Variants in PODN observed in about 807,000 individuals in gnomAD.
PODN encodes podocan.
PODN carries 40 observed loss-of-function variants against 52.7 expected under a neutral mutation model. The observed-to-expected ratio is 0.76, with a 90% CI of 0.59 to 0.99. The LOEUF is 0.99. PODN is among the 50% of genes least tolerant of loss of function. The probability of loss-of-function intolerance (pLI) is 0.00; values close to 1 mark genes in which losing one functional copy is unlikely to be tolerated. For synonymous variants in PODN, 396 were observed against 377.9 expected, an observed-to-expected ratio of 1.05 and a Z score of -0.56; for missense variants, 720 against 815.1, an observed-to-expected ratio of 0.88 and a Z score of 1.42.
At chr1:53,082,708 CACAT>C (rs1644313326) in intron 10 of PODN, among the ~76,000 whole-genome samples, 1 of 152,226 alleles carries the variant, frequency 6.6e-6, no homozygotes, top group Admixed American at 6.5e-5. Flanking sequence ...TGCACCAACA[CACAT>C]ACATTCATGT....
At chr1:53,072,667 C>T (rs1441271357) in intron 3 of PODN, among the ~76,000 whole-genome samples, 1 of 152,232 alleles carries the variant, frequency 6.6e-6, no homozygotes, top group African/African-American at 2.4e-5. Context: ...TTGACATTTT[C>T]CCTAGACGTC....
At position 53,070,005 on chromosome 1, in the gene PODN, G is replaced by A. The variant is rs769953432; in HGVS notation, c.150G>A (p.Pro50=). The A allele has an allele frequency of 1.8e-5, 29 of 1,612,570 alleles. No homozygotes were observed. Among genetic ancestry groups the A allele is most frequent in the Non-Finnish European group, 2.3e-5 (27 of 1,179,792 alleles). ...AGAACGAATTTGCGGAGGAGGAGCC[G>A]GTGCTGGTACTGAGCCCTGAGGAGC... is the stretch of plus-strand genomic sequence containing the variant. ...PEENEFAEEE[P]VLVLSPEEPG... Residue 50 remains proline, a synonymous_variant, in exon 2 of 11, where the codon CCG becomes CCA. Coordinates refer to ENST00000312553, the MANE Select transcript of PODN (RefSeq NM_153703.5).
In PODN at chr1:53,070,089, C is replaced by A. The variant is rs369511513; in HGVS notation, c.234C>A (p.Gly78=). 6.2e-6 allele frequency: 10 copies of A among 1,612,784 alleles called. No homozygotes were observed. Among genetic ancestry groups the A allele is most frequent in the Non-Finnish European group, 8.5e-6 (10 of 1,180,010 alleles). ...CPRDCACSQE[G]VVDCGGIDLR... ...GAGACTGTGCCTGTTCCCAGGAGGG[C>A]GTCGTGGACTGTGGCGGTATTGACC... Residue 78 remains glycine (G), a synonymous_variant, in exon 2 of 11, where the codon GGC becomes GGA. Coordinates refer to ENST00000312553, the MANE Select transcript of PODN (RefSeq NM_153703.5).
At chr1:53,083,506 C>T (rs1225227620) in intron 10 of PODN, among the ~76,000 whole-genome samples, 2 of 152,194 alleles carry the variant, frequency 1.3e-5, no homozygotes, top group East Asian at 1.9e-4. Context: ...AGGGTGGCTG[C>T]TGTCACAGGC....
chr1:53,064,821 A>G (rs1355634398), intron 1 of PODN, among the ~76,000 whole-genome samples: 1 of 152,248 alleles, frequency 6.6e-6, no homozygotes, highest in African/African-American at 2.4e-5. Context: ...GGCTCGGAGC[A>G]GTAAAGTGGC....
At chr1:53,064,542 G>A (rs553977720) in intron 1 of PODN, among the ~76,000 whole-genome samples, 2 of 152,334 alleles carry the variant, frequency 1.3e-5, no homozygotes, top group African/African-American at 2.4e-5. Flanking sequence ...GGAGAAGGAA[G>A]GTAGTGCTGA....
intron 9 of PODN, among the ~76,000 whole-genome samples, chr1:53,081,570 G>A (rs1557659008): frequency 6.6e-6 from 1 of 152,182 alleles, no homozygotes; most frequent in South Asian, 2.1e-4. Flanking sequence ...TGTGGCCCTG[G>A]CCTGGCTCAG....
At chr1:53,073,098 G>T in intron 3 of PODN, 1 of 225,428 alleles carries the variant, frequency 4.4e-6, no homozygotes. Flanking sequence ...GACCAAGACA[G>T]CATCTCTCCT....
intron 1 of PODN, among the ~76,000 whole-genome samples, chr1:53,067,533 A>G (rs1644050898): frequency 6.6e-6 from 1 of 152,020 alleles, no homozygotes; most frequent in Non-Finnish European, 1.5e-5. Context: ...CTGAACTCCC[A>G]CAGCCACCAC....
At position 53,081,917 on chromosome 1, in the gene PODN, C is replaced by A. The variant is rs774004667; in HGVS notation, c.1662-64C>A. 22 of 1,529,630 alleles carry A rather than the reference C, an allele frequency of 1.4e-5. No individual in the cohort carries two copies. The African/African-American group carries it at 2.5e-4, about 17-fold the overall frequency. 94.8% of individuals were successfully genotyped at this position (1,529,630 alleles called of 1,614,324 possible). A position where few individuals can be genotyped will look rare whatever the true frequency, so the allele number is the denominator to read the frequency against. Reference sequence around the variant, plus strand: ...CCTGTTACCTTCTGGAGAGGCCAGTCGGGGGAAGGGAGGGTTCCTTGGGGG... The same window carrying A: ...CCTGTTACCTTCTGGAGAGGCCAGTAGGGGGAAGGGAGGGTTCCTTGGGGG... On this transcript the variant is annotated intron_variant, in intron 9 of 10. Transcript: ENST00000312553.
chr1:53,078,331 C>T (rs763687136), intron 7 of PODN, 34 bp from the exon 8 acceptor site: 1 of 1,576,578 alleles, frequency 6.3e-7, no homozygotes, highest in South Asian at 1.1e-5. Flanking sequence ...AATGTGGGCT[C>T]TTGCCAACCG....
At chr1:53,072,947 A>T in intron 3 of PODN, 1 of 191,900 alleles carries the variant, frequency 5.2e-6, no homozygotes, top group Non-Finnish European at 1.1e-5. Context: ...CTGTAATCCG[A>T]GCTACTCAGG....
intron 3 of PODN, chr1:53,072,999 T>C: frequency 4.6e-6 from 1 of 217,972 alleles, no homozygotes; most frequent in Non-Finnish European, 9.7e-6. Flanking sequence ...GAGGCGGAGG[T>C]TGCAGTGAGC....
intron 1 of PODN, chr1:53,063,262 C>G (rs1368257005): frequency 2.7e-6 from 2 of 741,888 alleles, no homozygotes; most frequent in African/African-American, 3.8e-5. Context: ...CACCCCGGCC[C>G]CGGTGCGCGC....
chr1:53,070,173 G>T lies in PODN; in HGVS notation c.312+6G>T. 4.4e-6 allele frequency: 7 copies of T among 1,604,610 alleles called. No homozygotes were observed. Among genetic ancestry groups the T allele is most frequent in the Non-Finnish European group, 5.9e-6 (7 of 1,179,820 alleles). On this transcript the variant is annotated splice_donor_region_variant and intron_variant, in intron 2 of 10. Transcript: ENST00000312553. ...CCAACCACCTATCTCTGCAGGTGAGGTCGGCGTTGCACCTGTGGTCACGGG... is the reference window on the plus strand; with the variant it reads ...CCAACCACCTATCTCTGCAGGTGAGTTCGGCGTTGCACCTGTGGTCACGGG...
intron 2 of PODN, 81 bp from the exon 3 acceptor site, chr1:53,071,449 AGGACT>A: frequency 8.8e-7 from 1 of 1,140,942 alleles, no homozygotes; most frequent in Admixed American, 2.5e-5. Flanking sequence ...ACTGGATTCT[AGGACT>A]GGAGCTATGG....
Position 53,070,088 on chromosome 1 carries a change from G to C in PODN, c.233G>C (p.Gly78Ala), listed in dbSNP as rs774217985. 6.2e-7 allele frequency: 1 copy of C among 1,612,964 alleles called. No homozygotes were observed. The highest frequency in any genetic ancestry group is 8.5e-7 in the Non-Finnish European group (1 of 1,180,014). Residue 78 changes from glycine (G) to alanine (A), a missense_variant, in exon 2 of 11, where the codon GGC becomes GCC. Transcript: ENST00000312553. Reference sequence around the variant, plus strand: ...CGAGACTGTGCCTGTTCCCAGGAGGGCGTCGTGGACTGTGGCGGTATTGAC... The same window carrying C: ...CGAGACTGTGCCTGTTCCCAGGAGGCCGTCGTGGACTGTGGCGGTATTGAC... ...CPRDCACSQE[G>A]VVDCGGIDLR...
chr1:53,077,703 A>G lies in PODN; in HGVS notation c.757A>G (p.Ile253Val), dbSNP rs769998962. The G allele has an allele frequency of 1.3e-5, 21 of 1,612,762 alleles. No homozygotes were observed. In the African/African-American group the frequency reaches 2.3e-4, roughly 17 times the overall value. The change falls in exon 7 of 11, where the codon ATC (isoleucine) becomes GTC (valine). Residue 253 changes from isoleucine (I) to valine (V), a missense_variant. By Grantham distance (29) the Ile-to-Val change is conservative. Transcript: ENST00000312553. ...CCCCCAGAACAACAAGCTGGAGAAG[A>G]TCCCCCCGGGGGCCTTCAGCGAGCT... Reference protein sequence around the residue: ...LHLKNNKLEKIPPGAFSELSS... With the variant: ...LHLKNNKLEKVPPGAFSELSS...
intron 1 of PODN, among the ~76,000 whole-genome samples, chr1:53,067,425 C>T (rs949382496): frequency 6.6e-6 from 1 of 152,108 alleles, no homozygotes; most frequent in Non-Finnish European, 1.5e-5. Context: ...GGATCTTTTC[C>T]ACCTCACCTG....
Sources: allele counts gnomAD v4.1 joint callset (sites outside exome capture counted in the v4.1 genomes callset), GRCh38; gene constraint gnomAD v4.1.1; transcripts MANE v1.5; gene names NCBI Gene and HGNC (gene_info 2026-07-23, HGNC 2026-07-21).